The following CEACAM21 variants were observed in gnomAD, a reference collection of about 807,000 sequenced individuals.
CEACAM21 encodes CEA cell adhesion molecule 21.
Under a neutral mutation model 33.2 loss-of-function variants are expected in CEACAM21, and 38 were observed. That is an observed-to-expected ratio of 1.14 (90% confidence interval 0.88 to 1.50). The LOEUF (loss-of-function observed/expected upper bound fraction) is 1.50, where lower values mean the gene tolerates loss of function less well. CEACAM21 is among the 40% of genes most tolerant of loss of function. The pLI is 0.00. For synonymous variants in CEACAM21, 156 were observed against 143.0 expected (o/e 1.09, Z -0.65); for missense variants, 385 against 364.6 (o/e 1.06, Z -0.46).
chr19:41,585,754 C>G (rs782427790), intron 5 of CEACAM21, 86 bp from the exon 6 acceptor site: 11 of 1,389,920 alleles, frequency 7.9e-6, no homozygotes, highest in Non-Finnish European at 9.1e-6. Context: ...CCCCAATTCT[C>G]TAAGAACTGA....
At chr19:41,560,209 T>C (rs2041796991) in intron 1 of CEACAM21, among the ~76,000 whole-genome samples, 1 of 152,200 alleles carries the variant, frequency 6.6e-6, no homozygotes, top group Admixed American at 6.5e-5. Flanking sequence ...TCTTTTATCT[T>C]TTCCTTTTTA....
At chr19:41,584,852 G>C (rs1233797707) in intron 4 of CEACAM21, among the ~76,000 whole-genome samples, 1 of 152,148 alleles carries the variant, frequency 6.6e-6, no homozygotes, top group African/African-American at 2.4e-5. Context: ...GGGCTGGGTG[G>C]GGTCAGCACC....
chr19:41,579,277 T>C, intron 2 of CEACAM21, 76 bp from the exon 3 acceptor site: 1 of 1,612,404 alleles, frequency 6.2e-7, no homozygotes, highest in African/African-American at 1.3e-5. Flanking sequence ...CAGGAGAATG[T>C]TCTAAATTTG....
At chr19:41,581,775 A>G (rs1197016400) in intron 3 of CEACAM21, among the ~76,000 whole-genome samples, 5 of 152,118 alleles carry the variant, frequency 3.3e-5, no homozygotes, top group Non-Finnish European at 5.9e-5. Flanking sequence ...ATCCACCCCC[A>G]TGATTCAATT....
At chr19:41,568,562 C>T (rs1555788765) in intron 2 of CEACAM21, among the ~76,000 whole-genome samples, 1 of 152,202 alleles carries the variant, frequency 6.6e-6, no homozygotes, top group African/African-American at 2.4e-5. Context: ...CCATTGTGTG[C>T]ATGTGGCTCC....
upstream of CEACAM21, chr19:41,576,119 C>T: frequency 1.3e-6 from 1 of 765,034 alleles, no homozygotes; most frequent in Non-Finnish European, 2.2e-6. Context: ...CAGAGCCCCG[C>T]CCTTGCCCAT....
At chr19:41,572,219 A>AT (rs2042658268), upstream of CEACAM21, among the ~76,000 whole-genome samples, 1 of 152,158 alleles carries the variant, frequency 6.6e-6, no homozygotes, top group African/African-American at 2.4e-5. Flanking sequence ...TAAATCACTT[A>AT]TTTTTTTAAA....
intron 4 of CEACAM21, among the ~76,000 whole-genome samples, chr19:41,584,652 A>T (rs1478676096): frequency 6.6e-6 from 1 of 152,034 alleles, no homozygotes; most frequent in Non-Finnish European, 1.5e-5. Context: ...ATTCAGTCCA[A>T]TTAAGGCCAT....
At chr19:41,569,110 T>A (rs933690136) in intron 2 of CEACAM21, among the ~76,000 whole-genome samples, 2 of 152,264 alleles carry the variant, frequency 1.3e-5, no homozygotes, top group Non-Finnish European at 2.9e-5. Flanking sequence ...TGTATTCTTT[T>A]TCAGATAATT....
At chr19:41,577,614 G>T (rs546339955) in intron 2 of CEACAM21, 55 bp downstream of exon 2, 1 of 1,601,776 alleles carries the variant, frequency 6.2e-7, no homozygotes, top group East Asian at 2.2e-5. Flanking sequence ...CTTCACATAC[G>T]CAGGATTGTC....
intron 1 of CEACAM21, chr19:41,555,185 T>C (rs1555785244): frequency 2.0e-5 from 3 of 152,066 alleles, no homozygotes; most frequent in African/African-American, 7.2e-5. Context: ...CAATTTTTAT[T>C]ATTGACCTCT....
intron 1 of CEACAM21, among the ~76,000 whole-genome samples, chr19:41,558,402 C>T (rs2041669946): frequency 6.6e-6 from 1 of 152,116 alleles, no homozygotes; most frequent in East Asian, 1.9e-4. Flanking sequence ...AATCCTAGCA[C>T]TTTGGGAGGC....
At chr19:41,571,951 C>CTT (rs112565158), upstream of CEACAM21, among the ~76,000 whole-genome samples, 17 of 144,110 alleles carry the variant, frequency 1.2e-4, no homozygotes, top group African/African-American at 3.8e-4. Context: ...CATTTTGACA[C>CTT]TTTTTTTTTT....
Position 41,584,458 on chromosome 19 carries a change from C to T in CEACAM21, c.797+15C>T. 1.3e-6 allele frequency: 2 copies of T among 1,592,026 alleles called. No homozygotes were observed. The highest frequency in any genetic ancestry group is 8.6e-7 in the Non-Finnish European group (1 of 1,167,792). Reference sequence around the variant, plus strand: ...AAAACTGGCAGGTACCACAGCTTTTCCCCATTCTGCTCCCATCCTTCACGC... The same window carrying T: ...AAAACTGGCAGGTACCACAGCTTTTTCCCATTCTGCTCCCATCCTTCACGC... On this transcript the variant is annotated intron_variant, in intron 4 of 6. Transcript: ENST00000401445.
chr19:41,580,320 T>G (rs551813457), intron 3 of CEACAM21, among the ~76,000 whole-genome samples: 5 of 146,924 alleles, frequency 3.4e-5, no homozygotes, highest in South Asian at 2.2e-4. Flanking sequence ...TGGGGGGGGG[T>G]TTCTCCCACA....
Position 41,576,463 on chromosome 19 carries a change from C to T in CEACAM21, c.64+125C>T, listed in dbSNP as rs116010471. The T allele has an allele frequency of 2.6e-3, 2,772 of 1,058,932 alleles. 36 individuals are homozygous for T. In the African/African-American group the frequency reaches 0.038, roughly 15 times the overall value. The allele number at this position is 1,058,932 out of a possible 1,614,324, so 65.6% of individuals were successfully genotyped here. On this transcript the variant is annotated intron_variant, in intron 1 of 6. Coordinates refer to ENST00000401445, the MANE Select transcript of CEACAM21 (RefSeq NM_001098506.4). ...TTTGTTAGAGACTCAGGGGAGAGAGCGTCTAAGGAGAACCAAAAAATCTAA... is the reference window on the plus strand; with the variant it reads ...TTTGTTAGAGACTCAGGGGAGAGAGTGTCTAAGGAGAACCAAAAAATCTAA...
chr19:41,555,447 T>C (rs1600134614), intron 1 of CEACAM21: 1 of 152,048 alleles, frequency 6.6e-6, no homozygotes, highest in East Asian at 1.9e-4. Context: ...GTTTTTAATT[T>C]TAACAAACTG....
chr19:41,569,154 TA>T (rs1219224372), intron 2 of CEACAM21, among the ~76,000 whole-genome samples: 5 of 152,334 alleles, frequency 3.3e-5, no homozygotes, highest in Non-Finnish European at 7.3e-5. Context: ...ACTGGTGGAC[TA>T]TTGCATAGCA....
chr19:41,581,423 C>T (rs1428179460), intron 3 of CEACAM21, among the ~76,000 whole-genome samples: 1 of 152,196 alleles, frequency 6.6e-6, no homozygotes, highest in Non-Finnish European at 1.5e-5. Context: ...CTGTTTGGGG[C>T]TCTCAGCTCT....
Sources: allele counts gnomAD v4.1 joint callset (sites outside exome capture counted in the v4.1 genomes callset), GRCh38; gene constraint gnomAD v4.1.1; transcripts MANE v1.5; gene names NCBI Gene and HGNC (gene_info 2026-07-23, HGNC 2026-07-21).